NWD1: variants seen among roughly 807,000 people sequenced by gnomAD.
NWD1 encodes NACHT domain- and WD repeat-containing protein 1.
In NWD1, 129 loss-of-function variants were observed where a neutral mutation model predicts 135.1. That is an observed-to-expected ratio of 0.96 (90% CI 0.83 to 1.11). The LOEUF is 1.11. NWD1 is among the 50% of genes least tolerant of loss of function. The probability of loss-of-function intolerance (pLI) is 0.00; values close to 1 mark genes in which losing one functional copy is unlikely to be tolerated. For missense variants in NWD1, 1,740 were observed against 1,851.3 expected, an observed-to-expected ratio of 0.94 and a Z score of 1.10; for synonymous variants, 773 against 786.0, an observed-to-expected ratio of 0.98 and a Z score of 0.28.
intron 8 of NWD1, among the ~76,000 whole-genome samples, chr19:16,763,028 C>A (rs890301195): frequency 6.6e-6 from 1 of 152,108 alleles, no homozygotes; most frequent in Non-Finnish European, 1.5e-5. Flanking sequence ...AAGTGATCTG[C>A]CTTGGCCTCC....
At chr19:16,775,771 C>T (rs1969577877) in intron 11 of NWD1, among the ~76,000 whole-genome samples, 1 of 152,154 alleles carries the variant, frequency 6.6e-6, no homozygotes, top group Non-Finnish European at 1.5e-5. Flanking sequence ...AGATTCAAGC[C>T]ATTTTCCTGC....
At position 16,815,191 on chromosome 19, in the gene NWD1, G is replaced by A. The variant is rs1490592545; in HGVS notation, c.*152G>A. The A allele has an allele frequency of 1.2e-6, 1 of 846,894 alleles. No homozygotes were observed. Among genetic ancestry groups the A allele is most frequent in the Admixed American group, 1.7e-5 (1 of 59,090 alleles). 52.5% of individuals were successfully genotyped at this position (846,894 alleles called of 1,614,324 possible). A position where few individuals can be genotyped will look rare whatever the true frequency, so the allele number is the denominator to read the frequency against. ...AGGACCCTCTTAAGAACTTCAAGAA[G>A]GCAATGTGGATGGTCAAATCCAGGC... On this transcript the variant is annotated 3_prime_UTR_variant, in exon 19 of 19. Coordinates refer to ENST00000524140, the MANE Select transcript of NWD1 (RefSeq NM_001007525.5).
intron 12 of NWD1, among the ~76,000 whole-genome samples, chr19:16,788,232 A>AACT (rs1248787389): frequency 8.7e-6 from 1 of 115,428 alleles, no homozygotes; most frequent in African/African-American, 3.4e-5. Flanking sequence ...CTTCATCTCA[A>AACT]AATAATAATA....
In NWD1 at chr19:16,732,674, AAGT is replaced by A. The variant is rs1223269344; in HGVS notation, c.81+1397_81+1399del. 2.5e-3 allele frequency among the ~76,000 whole-genome samples: 356 copies of A among 142,474 alleles called. 3 individuals are homozygous for A. Among genetic ancestry groups the A allele is most frequent in the African/African-American group, 9.3e-3 (340 of 36,484 alleles). 93.5% of individuals were successfully genotyped at this position (142,474 alleles called of 152,430 possible). A position where few individuals can be genotyped will look rare whatever the true frequency, so the allele number is the denominator to read the frequency against. ...CATCTCAAAAAAAAAAAAAAAGAAAAAGTGAAAAAGTGCAGTGGTGTGATCTCA... is the reference window on the plus strand; with the variant it reads ...CATCTCAAAAAAAAAAAAAAAGAAAAGAAAAAGTGCAGTGGTGTGATCTCA... On this transcript the variant is annotated intron_variant, in intron 3 of 18. Coordinates refer to ENST00000524140, the MANE Select transcript of NWD1 (RefSeq NM_001007525.5).
At chr19:16,774,170 T>A (rs1599504919) in intron 11 of NWD1, among the ~76,000 whole-genome samples, 1 of 128,052 alleles carries the variant, frequency 7.8e-6, no homozygotes, top group Admixed American at 7.8e-5. Context: ...TCCATCCACC[T>A]TCCCACTCTC....
At chr19:16,736,596 T>C in intron 3 of NWD1, 38 bp from the exon 4 acceptor site, 1 of 1,290,394 alleles carries the variant, frequency 7.7e-7, no homozygotes, top group African/African-American at 1.5e-5. Flanking sequence ...TCACCTGTCA[T>C]GCCACCTCTC....
chr19:16,812,800 T>C (rs1260182813), intron 18 of NWD1: 1 of 781,010 alleles, frequency 1.3e-6, no homozygotes, highest in Admixed American at 1.7e-5. Flanking sequence ...GACAAGTATG[T>C]GTACGTGGGC....
chr19:16,788,778 C>T (rs996247372), intron 12 of NWD1, among the ~76,000 whole-genome samples: 2 of 152,038 alleles, frequency 1.3e-5, no homozygotes, highest in Non-Finnish European at 2.9e-5. Context: ...AGAACTCTTT[C>T]TCCATAGCCT....
chr19:16,763,668 C>T (rs1969103754), intron 8 of NWD1, among the ~76,000 whole-genome samples, 160 bp from the exon 9 acceptor site: 1 of 152,208 alleles, frequency 6.6e-6, no homozygotes, highest in African/African-American at 2.4e-5. Flanking sequence ...TCGTCCTCTG[C>T]TCCAGCCCTG....
chr19:16,736,954 T>C (rs1048944409), intron 4 of NWD1, among the ~76,000 whole-genome samples: 1 of 152,158 alleles, frequency 6.6e-6, no homozygotes, highest in Non-Finnish European at 1.5e-5. Context: ...AGCAGTCAAA[T>C]GGAAGCAGCA....
rs796623732 is a variant in NWD1, at chr19:16,759,940, G to A, written c.1973+512G>A. Among the ~76,000 whole-genome samples, 14 of 152,216 alleles carry A rather than the reference G, an allele frequency of 9.2e-5. 1 individual carries two copies. The highest frequency in any genetic ancestry group is 3.4e-4 in the African/African-American group (14 of 41,548). On this transcript the variant is annotated intron_variant, in intron 7 of 18. Coordinates refer to ENST00000524140, the MANE Select transcript of NWD1 (RefSeq NM_001007525.5). Reference sequence around the variant, plus strand: ...ACCTGGGAGGCAGAGGTGGCAGTGAGCCAAGATCGCACCACTGTACTCCAG... The same window carrying A: ...ACCTGGGAGGCAGAGGTGGCAGTGAACCAAGATCGCACCACTGTACTCCAG...
intron 10 of NWD1, among the ~76,000 whole-genome samples, chr19:16,771,136 T>TA (rs777679036): frequency 7.3e-5 from 11 of 151,426 alleles, no homozygotes; most frequent in South Asian, 6.3e-4. Context: ...CCTATCTCTG[T>TA]AAAAAAAAAT....
intron 12 of NWD1, among the ~76,000 whole-genome samples, chr19:16,782,915 T>TCCTTCCTTTCCTTCCTTCCTTC (rs1278162378): frequency 9.0e-5 from 10 of 111,684 alleles, no homozygotes; most frequent in Non-Finnish European, 1.5e-4. Flanking sequence ...CTTCCTTCTT[T>TCCTTCCTTTCCTTCCTTCCTTC]CCTTCCTTTC....
chr19:16,750,088 G>T lies in NWD1; in HGVS notation c.1446G>T (p.Val482=). Reference sequence around the variant, plus strand: ...GGGTTTTGGACACCTTGCAGCGGGTGCTCCTGGACCCGGAGGCCTACTGGG... The same window carrying T: ...GGGTTTTGGACACCTTGCAGCGGGTTCTCCTGGACCCGGAGGCCTACTGGG... ...ALGVLDTLQR[V]LLDPEAYWEV... is the part of the protein sequence containing the mutation. Residue 482 remains valine (V), a synonymous_variant, in exon 6 of 19, where the codon GTG becomes GTT. Coordinates refer to ENST00000524140, the MANE Select transcript of NWD1 (RefSeq NM_001007525.5). 1 of 1,614,028 alleles carries T rather than the reference G, an allele frequency of 6.2e-7. No individual in the cohort carries two copies. Among genetic ancestry groups the T allele is most frequent in the Non-Finnish European group, 8.5e-7 (1 of 1,180,006 alleles).
intron 18 of NWD1, 62 bp from the exon 19 acceptor site, chr19:16,814,966 G>C: frequency 6.7e-7 from 1 of 1,488,434 alleles, no homozygotes; most frequent in Non-Finnish European, 9.3e-7. Context: ...ACTCTGGAAT[G>C]TGTAGGATTG....
chr19:16,725,837 G>A (rs1967306478), intron 2 of NWD1, among the ~76,000 whole-genome samples: 1 of 152,000 alleles, frequency 6.6e-6, no homozygotes, highest in African/African-American at 2.4e-5. Context: ...ACAGGCACGT[G>A]ATTGTAGCTC....
chr19:16,759,450 A>G, intron 7 of NWD1, 22 bp downstream of exon 7: 1 of 1,524,094 alleles, frequency 6.6e-7, no homozygotes, highest in Non-Finnish European at 8.8e-7. Flanking sequence ...CAGCAGTGGC[A>G]GCGACACTGT....
chr19:16,762,888 G>T (rs939477815), intron 8 of NWD1, among the ~76,000 whole-genome samples: 3 of 151,598 alleles, frequency 2.0e-5, no homozygotes, highest in African/African-American at 7.3e-5. Context: ...AGGTTCAAGC[G>T]ATTCTCCCAC....
intron 18 of NWD1, among the ~76,000 whole-genome samples, chr19:16,812,321 AG>A (rs922431059): frequency 1.3e-5 from 2 of 151,778 alleles, no homozygotes. Flanking sequence ...AACAAAAAAA[AG>A]GCCTGGTTCC....
Sources: allele counts gnomAD v4.1 joint callset (sites outside exome capture counted in the v4.1 genomes callset), GRCh38; gene constraint gnomAD v4.1.1; transcripts MANE v1.5; gene names NCBI Gene and HGNC (gene_info 2026-07-23, HGNC 2026-07-21).